SGCG: variants seen among roughly 807,000 people sequenced by gnomAD.
SGCG encodes the protein sarcoglycan gamma.
A neutral mutation model predicts 29.3 loss-of-function variants in SGCG; 26 were observed. The ratio of observed to expected loss-of-function variants is 0.89; its 90% CI spans 0.65 to 1.23. SGCG has a LOEUF of 1.23. Ranked by LOEUF, SGCG falls within the 50% of genes most tolerant of loss-of-function variation. The pLI, the probability that SGCG is intolerant of heterozygous loss-of-function variation, is 0.00. For synonymous variants in SGCG, 145 were observed against 129.7 expected (o/e 1.12, Z -0.80); for missense variants, 353 against 356.0 (o/e 0.99, Z 0.07).
In SGCG at chr13:23,324,651, C is replaced by G; in HGVS notation, c.*110C>G. 1 of 958,316 alleles carries G rather than the reference C, an allele frequency of 1.0e-6. No homozygotes were observed. Among genetic ancestry groups the G allele is most frequent in the African/African-American group, 1.6e-5 (1 of 62,012 alleles). 59.4% of individuals were successfully genotyped at this position (958,316 alleles called of 1,614,324 possible). ...AGGCAGCGTGGATGGGAAGTAAACG[C>G]TTCCAGAGGAACTCAGAAAAAATTA... On this transcript the variant is annotated 3_prime_UTR_variant, in exon 8 of 8. Transcript: ENST00000218867.
the SGCG span, among the ~76,000 whole-genome samples, chr13:23,160,650 A>C: frequency 6.6e-6 from 1 of 152,112 alleles, no homozygotes. Flanking sequence ...ACAGCAGGTA[A>C]AGAGAATAGC....
chr13:23,186,570 G>T (rs886778702), intron 1 of SGCG, among the ~76,000 whole-genome samples: 1 of 152,188 alleles, frequency 6.6e-6, no homozygotes, highest in Non-Finnish European at 1.5e-5. Context: ...TTTCCAGAGG[G>T]ATATATCCTA....
At chr13:23,193,358 A>G (rs770060820) in intron 1 of SGCG, among the ~76,000 whole-genome samples, 4 of 152,190 alleles carry the variant, frequency 2.6e-5, no homozygotes, top group Non-Finnish European at 5.9e-5. Context: ...GTTGGGTGCC[A>G]TGTGGAGATT....
intron 2 of SGCG, among the ~76,000 whole-genome samples, chr13:23,219,914 C>A (rs1878591341): frequency 6.8e-6 from 1 of 147,506 alleles, no homozygotes; most frequent in South Asian, 2.2e-4. Flanking sequence ...CGGCTCACTG[C>A]AAGCTCCGCC....
At chr13:23,288,697 G>A (rs1881592786) in intron 5 of SGCG, among the ~76,000 whole-genome samples, 1 of 152,118 alleles carries the variant, frequency 6.6e-6, no homozygotes, top group Non-Finnish European at 1.5e-5. Flanking sequence ...CCAAGTTACA[G>A]AACATACTAT....
At chr13:23,174,185 T>C in the SGCG span, among the ~76,000 whole-genome samples, 46 of 152,220 alleles carry the variant, frequency 3.0e-4, no homozygotes, top group South Asian at 4.1e-4. Flanking sequence ...CAGAGAACAA[T>C]TAGCCCAGCT....
chr13:23,160,711 TCTC>T, the SGCG span, among the ~76,000 whole-genome samples: 3 of 151,978 alleles, frequency 2.0e-5, no homozygotes, highest in Non-Finnish European at 2.9e-5. Context: ...GTCCCTTCCT[TCTC>T]CTCCAACCTC....
intron 2 of SGCG, among the ~76,000 whole-genome samples, chr13:23,219,988 A>C (rs1422105041): frequency 7.7e-6 from 1 of 129,476 alleles, no homozygotes. Flanking sequence ...GGTGCCTGCC[A>C]CCACGCCCGG....
the SGCG span, among the ~76,000 whole-genome samples, chr13:23,175,143 A>G: frequency 6.6e-6 from 1 of 152,224 alleles, no homozygotes; most frequent in Non-Finnish European, 1.5e-5. Context: ...AAAGGAGGAA[A>G]GTGCTGCAGG....
chr13:23,170,948 C>A, the SGCG span, among the ~76,000 whole-genome samples: 3 of 152,048 alleles, frequency 2.0e-5, no homozygotes, highest in East Asian at 5.8e-4. Flanking sequence ...CCCATGATGT[C>A]GATTTGAAAG....
chr13:23,220,656 C>G (rs1878623111), intron 2 of SGCG, among the ~76,000 whole-genome samples: 1 of 152,074 alleles, frequency 6.6e-6, no homozygotes, highest in Non-Finnish European at 1.5e-5. Flanking sequence ...GTCACAAATT[C>G]CCACTCCTCA....
chr13:23,307,009 T>A (rs747873443), intron 6 of SGCG, among the ~76,000 whole-genome samples: 8 of 152,244 alleles, frequency 5.3e-5, no homozygotes, highest in Non-Finnish European at 1.0e-4. Context: ...AAGAAGGACT[T>A]ACAAATATAT....
chr13:23,181,710 T>A (rs781193969), intron 1 of SGCG, among the ~76,000 whole-genome samples: 8 of 152,222 alleles, frequency 5.3e-5, no homozygotes, highest in Non-Finnish European at 1.0e-4. Flanking sequence ...AGTACACATG[T>A]GCTAATGCTT....
chr13:23,201,760 CAT>C (rs1877777509), intron 1 of SGCG, among the ~76,000 whole-genome samples: 1 of 152,174 alleles, frequency 6.6e-6, no homozygotes. Flanking sequence ...AATATACTCA[CAT>C]GTGTTCTTAG....
chr13:23,272,769 T>A (rs75402847), intron 4 of SGCG, among the ~76,000 whole-genome samples: 8,558 of 152,284 alleles, frequency 0.056, 341 homozygotes, highest in Middle Eastern at 0.12. Context: ...GGGTAGTTTT[T>A]TAACTTCCCC....
chr13:23,264,945 A>G (rs1023224761), intron 4 of SGCG, among the ~76,000 whole-genome samples: 1 of 152,180 alleles, frequency 6.6e-6, no homozygotes, highest in Non-Finnish European at 1.5e-5. Context: ...TGGGTTTAAG[A>G]CTTAAATCTA....
chr13:23,322,799 T>G (rs1423112800), intron 7 of SGCG, among the ~76,000 whole-genome samples: 2 of 24,428 alleles, frequency 8.2e-5, no homozygotes, highest in Non-Finnish European at 1.7e-4. Flanking sequence ...CGCCAACAGG[T>G]GTAACGTGGT....
intron 4 of SGCG, among the ~76,000 whole-genome samples, chr13:23,278,351 G>A (rs561807697): frequency 1.3e-5 from 2 of 152,110 alleles, no homozygotes; most frequent in South Asian, 4.2e-4. Context: ...GCTGAGGCAG[G>A]GGAATCACTT....
the SGCG span, chr13:23,170,580 G>A: frequency 6.6e-6 from 1 of 152,416 alleles, no homozygotes; most frequent in Admixed American, 6.5e-5. Flanking sequence ...TCTTCCTGTT[G>A]TTGCCTTCTT....
Sources: gnomAD v4.1 joint callset for allele counts (sites outside exome capture counted in the v4.1 genomes callset) on GRCh38, gnomAD v4.1.1 for gene constraint, MANE v1.5 for transcripts, NCBI Gene and HGNC (gene_info 2026-07-23, HGNC 2026-07-21) for gene names.